The following RAD54B variants were observed in gnomAD, a reference collection of about 807,000 sequenced individuals.
The protein encoded by RAD54B is RAD54 homolog B.
Under a neutral mutation model 95.8 loss-of-function variants are expected in RAD54B, and 78 were observed. The ratio of observed to expected loss-of-function variants is 0.81; its 90% CI spans 0.68 to 0.98. The LOEUF (loss-of-function observed/expected upper bound fraction) is 0.98, where lower values mean the gene tolerates loss of function less well. Ranked by LOEUF, RAD54B falls within the 50% of genes least tolerant of loss-of-function variation. RAD54B has a pLI of 0.00. For synonymous variants in RAD54B, 328 were observed against 354.9 expected (o/e 0.92, Z 0.85); for missense variants, 957 against 1,056.6 (o/e 0.91, Z 1.31).
intron 8 of RAD54B, among the ~76,000 whole-genome samples, chr8:94,396,845 A>T (rs1038176963): frequency 6.6e-6 from 1 of 152,154 alleles, no homozygotes; most frequent in Admixed American, 6.6e-5. Context: ...CCCTAATCCA[A>T]TATGACTGGT....
chr8:94,374,673 C>T (rs1456654736), intron 14 of RAD54B, among the ~76,000 whole-genome samples: 5 of 151,774 alleles, frequency 3.3e-5, no homozygotes, highest in South Asian at 2.1e-4. Context: ...CGGGATAAGG[C>T]GATCACTACA....
Position 94,422,604 on chromosome 8 carries a change from AAAAAAAAAAAAAAATATATATAT to A in RAD54B, c.305-11312_305-11290del, listed in dbSNP as rs1280499605. On this transcript the variant is annotated intron_variant, in intron 3 of 14. Coordinates refer to ENST00000336148, the MANE Select transcript of RAD54B (RefSeq NM_012415.3). ...CTTCGTCTCAAAAAAAAAAAAAAAA[AAAAAAAAAAAAAAATATATATAT>A]ATATATATATATATATATATATATA... 5.1e-3 allele frequency among the ~76,000 whole-genome samples: 504 copies of A among 99,264 alleles called. 5 individuals carry two copies. The highest frequency in any genetic ancestry group is 0.024 in the African/African-American group (481 of 20,448). 65.1% of individuals were successfully genotyped at this position (99,264 alleles called of 152,430 possible). A position where few individuals can be genotyped will look rare whatever the true frequency, so the allele number is the denominator to read the frequency against.
rs781572108 is a variant in RAD54B, at chr8:94,393,705, C to A, written c.1518+38G>T. On this transcript the variant is annotated intron_variant, in intron 9 of 14. Coordinates refer to ENST00000336148, the MANE Select transcript of RAD54B (RefSeq NM_012415.3). Reference sequence around the variant, plus strand: ...GTTATGGATGATTTCCTCAGACATACGGCTTTTTAAAAACCTATTTATTAG... The same window carrying A: ...GTTATGGATGATTTCCTCAGACATAAGGCTTTTTAAAAACCTATTTATTAG... 6.0e-6 allele frequency: 9 copies of A among 1,500,670 alleles called. No homozygotes were observed. In the South Asian group the frequency reaches 9.7e-5, roughly 16 times the overall value. 93.0% of individuals were successfully genotyped at this position (1,500,670 alleles called of 1,614,324 possible). A position where few individuals can be genotyped will look rare whatever the true frequency, so the allele number is the denominator to read the frequency against.
At position 94,458,455 on chromosome 8, in the gene RAD54B, T is replaced by C. The variant is rs1384934985; in HGVS notation, c.136-19A>G. On this transcript the variant is annotated intron_variant, in intron 2 of 14. Transcript: ENST00000336148. ...CAACACCCTAAAAGAAACAAATATATATTTAAATCAGAACTCAAACCTAAT... is the reference window on the plus strand; with the variant it reads ...CAACACCCTAAAAGAAACAAATATACATTTAAATCAGAACTCAAACCTAAT... The C allele has an allele frequency of 6.6e-7, 1 of 1,519,724 alleles. No individual in the cohort carries two copies. The highest frequency in any genetic ancestry group is 8.8e-7 in the Non-Finnish European group (1 of 1,136,212). The allele number at this position is 1,519,724 out of a possible 1,614,324, so 94.1% of individuals were successfully genotyped here. A position where few individuals can be genotyped will look rare whatever the true frequency, so the allele number is the denominator to read the frequency against.
rs1255830212 is a variant in RAD54B at position 94,378,294 on chromosome 8, G to A, written c.2401C>T (p.His801Tyr). The A allele has an allele frequency of 6.2e-7, 1 of 1,613,858 alleles. No homozygotes were observed. The highest frequency in any genetic ancestry group is 1.7e-5 in the Admixed American group (1 of 60,004). The change falls in exon 14 of 15, where the codon CAT becomes TAT. Residue 801 changes from histidine to tyrosine, a missense_variant. Physicochemically the swap from His to Tyr is moderately conservative, Grantham distance 83 (BLOSUM62 2). Coordinates refer to ENST00000336148, the MANE Select transcript of RAD54B (RefSeq NM_012415.3). ...AVVDLTKTSEHIQFSVEELKN... is the reference protein window; with the variant it reads ...AVVDLTKTSEYIQFSVEELKN... The stretch of plus-strand genomic sequence containing the variant: ...AGTTCTTCTACTGAAAACTGAATAT[G>A]TTCAGATGTCTTGGTGAGGTCGACA...
Position 94,378,385 on chromosome 8 carries a change from A to G in RAD54B, c.2315-5T>C. Reference sequence around the variant, plus strand: ...AGATCTTTTCTTCTATTGTACCTAAAGAGAAAACATTAATTAGATTTCCTT... The same window carrying G: ...AGATCTTTTCTTCTATTGTACCTAAGGAGAAAACATTAATTAGATTTCCTT... On this transcript the variant is annotated splice_region_variant and splice_polypyrimidine_tract_variant and intron_variant, in intron 13 of 14. Coordinates refer to ENST00000336148, the MANE Select transcript of RAD54B (RefSeq NM_012415.3). 1 of 1,605,932 alleles carries G rather than the reference A, an allele frequency of 6.2e-7. No individual in the cohort carries two copies.
chr8:94,435,598 A>G (rs1288589322), intron 3 of RAD54B, among the ~76,000 whole-genome samples: 2 of 152,086 alleles, frequency 1.3e-5, no homozygotes, highest in Non-Finnish European at 2.9e-5. Flanking sequence ...TGCCATTTTT[A>G]TATTTTGCCA....
At chr8:94,436,743 C>A in intron 3 of RAD54B, 1 of 1,550,690 alleles carries the variant, frequency 6.4e-7, no homozygotes, top group Non-Finnish European at 8.7e-7. Context: ...AACATCTATT[C>A]TTTTCTACTA....
intron 3 of RAD54B, among the ~76,000 whole-genome samples, chr8:94,444,220 C>T (rs529890728): frequency 1.3e-3 from 193 of 152,134 alleles, no homozygotes; most frequent in African/African-American, 4.3e-3. Context: ...AGTTTAGTAA[C>T]ATGTGTTGAA....
intron 4 of RAD54B, 48 bp from the exon 5 acceptor site, chr8:94,407,768 G>A (rs370624563): frequency 2.1e-5 from 32 of 1,512,694 alleles, no homozygotes; most frequent in Admixed American, 1.7e-4. Context: ...ATGATACCAC[G>A]GTCACCTTCC....
At chr8:94,456,060 T>G (rs1186827891) in intron 3 of RAD54B, among the ~76,000 whole-genome samples, 4 of 152,158 alleles carry the variant, frequency 2.6e-5, no homozygotes, top group African/African-American at 7.2e-5. Flanking sequence ...AGTACTGAAC[T>G]GGATTGTTCA....
chr8:94,416,267 C>CA (rs1233396481), intron 3 of RAD54B, among the ~76,000 whole-genome samples: 5 of 150,826 alleles, frequency 3.3e-5, no homozygotes, highest in African/African-American at 9.8e-5. Context: ...ATCACAAGGA[C>CA]AAAAAACCAA....
intron 8 of RAD54B, among the ~76,000 whole-genome samples, chr8:94,394,932 A>C (rs1308085771): frequency 6.6e-6 from 1 of 152,164 alleles, no homozygotes; most frequent in African/African-American, 2.4e-5. Flanking sequence ...AGCAATTGCT[A>C]ATTTTTTTAA....
At chr8:94,430,935 A>G in intron 3 of RAD54B, 1 of 985,312 alleles carries the variant, frequency 1.0e-6, no homozygotes, top group South Asian at 4.7e-5. Flanking sequence ...TTGTGCTTAT[A>G]TACTCAATCC....
chr8:94,438,338 G>A (rs762249361), intron 3 of RAD54B, among the ~76,000 whole-genome samples: 7 of 152,180 alleles, frequency 4.6e-5, no homozygotes, highest in African/African-American at 9.7e-5. Context: ...TCTGGTATAC[G>A]CTACTGAGTA....
At chr8:94,452,640 G>C (rs995631835) in intron 3 of RAD54B, among the ~76,000 whole-genome samples, 4 of 152,062 alleles carry the variant, frequency 2.6e-5, no homozygotes, top group Non-Finnish European at 5.9e-5. Context: ...TGGGAATACA[G>C]GCACCCACCA....
At chr8:94,381,671 G>A (rs1810743631) in intron 11 of RAD54B, among the ~76,000 whole-genome samples, 2 of 152,082 alleles carry the variant, frequency 1.3e-5, no homozygotes, top group African/African-American at 2.4e-5. Context: ...TTTAACAGGA[G>A]AGCTGGAAGA....
chr8:94,435,290 A>T lies in RAD54B; in HGVS notation c.304+22978T>A, dbSNP rs141552838. On this transcript the variant is annotated intron_variant, in intron 3 of 14. Transcript: ENST00000336148. The stretch of plus-strand genomic sequence containing the variant: ...CATGTCCTGGATTCCCACTGGTGAT[A>T]TTTTTTTTACTGTGCTATCAAGTAG... Among the ~76,000 whole-genome samples, 24 of 151,854 alleles carry T rather than the reference A, an allele frequency of 1.6e-4. No homozygotes were observed. In the East Asian group the frequency reaches 4.6e-3, roughly 29 times the overall value.
intron 8 of RAD54B, among the ~76,000 whole-genome samples, chr8:94,398,210 G>A (rs974124808): frequency 5.9e-5 from 9 of 151,864 alleles, no homozygotes; most frequent in Non-Finnish European, 8.8e-5. Context: ...CTTTATCATC[G>A]TGATTAAATT....
Sources: gnomAD v4.1 joint callset for allele counts (sites outside exome capture counted in the v4.1 genomes callset) on GRCh38, gnomAD v4.1.1 for gene constraint, MANE v1.5 for transcripts, NCBI Gene and HGNC (gene_info 2026-07-23, HGNC 2026-07-21) for gene names.